PCDHGA7: variants seen among roughly 807,000 people sequenced by gnomAD.
The protein encoded by PCDHGA7 is protocadherin gamma-A7.
A neutral mutation model predicts 58.3 loss-of-function variants in PCDHGA7; 44 were observed. The ratio of observed to expected loss-of-function variants is 0.75; its 90% CI spans 0.59 to 0.97. PCDHGA7 has a LOEUF of 0.97. Ranked by LOEUF, PCDHGA7 falls within the 50% of genes least tolerant of loss-of-function variation. The pLI, the probability that PCDHGA7 is intolerant of heterozygous loss-of-function variation, is 0.00. For missense variants in PCDHGA7, 1,266 were observed against 1,188.7 expected, an observed-to-expected ratio of 1.06 and a Z score of -0.96; for synonymous variants, 516 against 504.2, an observed-to-expected ratio of 1.02 and a Z score of -0.31.
At chr5:141,461,328 A>G (rs2154567322) in intron 1 of PCDHGA7, among the ~76,000 whole-genome samples, 1 of 152,282 alleles carries the variant, frequency 6.6e-6, no homozygotes, top group East Asian at 1.9e-4. Flanking sequence ...AATAATGGCC[A>G]TTCTTGCAGG....
At position 141,491,070 on chromosome 5, in the gene PCDHGA7, G is replaced by T. The variant is rs1405880268; in HGVS notation, c.2425-3737G>T. On this transcript the variant is annotated intron_variant, in intron 1 of 3. Transcript: ENST00000518325. The surrounding 1 kb of genome is among the most constrained non-coding windows in gnomAD (Gnocchi z 6.9). ...ATGCGTGGCTCTCCTACTCACTGTTGCCACAGTCCACAGCCCCAGGACTGT... is the reference window on the plus strand; with the variant it reads ...ATGCGTGGCTCTCCTACTCACTGTTTCCACAGTCCACAGCCCCAGGACTGT... 6.2e-7 allele frequency: 1 copy of T among 1,614,162 alleles called. No homozygotes were observed. Among genetic ancestry groups the T allele is most frequent in the Non-Finnish European group, 8.5e-7 (1 of 1,180,038 alleles).
At chr5:141,481,035 G>C (rs1342607604) in intron 1 of PCDHGA7, among the ~76,000 whole-genome samples, 1 of 152,094 alleles carries the variant, frequency 6.6e-6, no homozygotes, top group Non-Finnish European at 1.5e-5. Flanking sequence ...TCCAGCCTGG[G>C]CGACAGAGCG....
At chr5:141,482,862 A>G (rs1169526338) in intron 1 of PCDHGA7, among the ~76,000 whole-genome samples, 1 of 152,180 alleles carries the variant, frequency 6.6e-6, no homozygotes, top group Non-Finnish European at 1.5e-5. Context: ...ACTTGAGGTC[A>G]GGAGTTTGAA....
rs569220332 is a variant in PCDHGA7, at chr5:141,475,688, A to G, written c.2425-19119A>G. 2.0e-5 allele frequency among the ~76,000 whole-genome samples: 3 copies of G among 152,330 alleles called. No homozygotes were observed. In the South Asian group the frequency reaches 6.2e-4, roughly 32 times the overall value. On this transcript the variant is annotated intron_variant, in intron 1 of 3. Coordinates refer to ENST00000518325, the MANE Select transcript of PCDHGA7 (RefSeq NM_018920.4). ...TTTAATGAGTCTTGATTTGGATTGG[A>G]GACTTGCAGAACGGCTAGCCTCACA...
intron 1 of PCDHGA7, among the ~76,000 whole-genome samples, chr5:141,386,466 A>G (rs1317226366): frequency 3.9e-5 from 6 of 152,122 alleles, no homozygotes; most frequent in Non-Finnish European, 8.8e-5. Context: ...GCTTGAACCC[A>G]AGAATTGGAG....
chr5:141,485,607 C>T lies in PCDHGA7; in HGVS notation c.2425-9200C>T. On this transcript the variant is annotated intron_variant, in intron 1 of 3. Coordinates refer to ENST00000518325, the MANE Select transcript of PCDHGA7 (RefSeq NM_018920.4). The surrounding 1 kb of genome is among the most constrained non-coding windows in gnomAD (Gnocchi z 5.7). ...CAGCTGGACTTGGAAATTGGGGAGG[C>T]AGCTCCTCCAGGACAGCGTTTCCCG... is the stretch of plus-strand genomic sequence containing the variant. 1 of 1,612,008 alleles carries T rather than the reference C, an allele frequency of 6.2e-7. No individual in the cohort carries two copies. The highest frequency in any genetic ancestry group is 8.5e-7 in the Non-Finnish European group (1 of 1,178,534).
chr5:141,479,710 T>C (rs901198074), intron 1 of PCDHGA7: 1 of 152,264 alleles, frequency 6.6e-6, no homozygotes, highest in African/African-American at 2.4e-5. Flanking sequence ...GTCCCTGTCC[T>C]TCCAGCCTTA....
At chr5:141,385,514 G>C (rs928847931) in intron 1 of PCDHGA7, 191 bp downstream of exon 1, 3 of 1,363,488 alleles carry the variant, frequency 2.2e-6, no homozygotes, top group Non-Finnish European at 2.8e-6. Context: ...TTTAGTGAAA[G>C]CCTATGGACA....
rs781586915 is a variant in PCDHGA7, at chr5:141,389,444, C to G, written c.2424+4121C>G. 7.0e-5 allele frequency: 112 copies of G among 1,610,446 alleles called. No homozygotes were observed. Among genetic ancestry groups the G allele is most frequent in the Middle Eastern group, 1.7e-4 (1 of 5,992 alleles). On this transcript the variant is annotated intron_variant, in intron 1 of 3. Transcript: ENST00000518325. Reference sequence around the variant, plus strand: ...TGTTCGCGCAGCGCGCCTTCGACCACGAGCAGCTGCGCGCCTTCGAACTCA... The same window carrying G: ...TGTTCGCGCAGCGCGCCTTCGACCAGGAGCAGCTGCGCGCCTTCGAACTCA...
At chr5:141,414,043 G>A in intron 1 of PCDHGA7, 1 of 1,611,348 alleles carries the variant, frequency 6.2e-7, no homozygotes, top group Non-Finnish European at 8.5e-7. Context: ...AAAATTACCT[G>A]ACACGCAATT....
intron 1 of PCDHGA7, among the ~76,000 whole-genome samples, chr5:141,480,299 C>T: frequency 7.5e-6 from 1 of 132,466 alleles, no homozygotes; most frequent in Non-Finnish European, 1.6e-5. Flanking sequence ...CCTGTGGTAC[C>T]AGCTACTTGG....
chr5:141,389,538 G>A (rs772693461), intron 1 of PCDHGA7: 1 of 1,613,186 alleles, frequency 6.2e-7, no homozygotes, highest in Admixed American at 1.7e-5. Context: ...GTTAGTGGAC[G>A]ACCGCAACGA....
chr5:141,415,740 G>GTTTTTTTTTT lies in PCDHGA7; in HGVS notation c.2424+30440_2424+30449dup, dbSNP rs57426385. 90 of 625,044 alleles carry GTTTTTTTTTT rather than the reference G, an allele frequency of 1.4e-4. 1 individual carries two copies. The highest frequency in any genetic ancestry group is 4.1e-4 in the East Asian group (6 of 14,742). The allele number at this position is 625,044 out of a possible 1,614,324, so 38.7% of individuals were successfully genotyped here. On this transcript the variant is annotated intron_variant, in intron 1 of 3. Coordinates refer to ENST00000518325, the MANE Select transcript of PCDHGA7 (RefSeq NM_018920.4). ...TGAGTAGAATTTGATGTTTATTAAG[G>GTTTTTTTTTT]TTTTTTTTTTTTTTTTTTTTTTTTT...
rs1344998245 is a variant in PCDHGA7 at position 141,400,678 on chromosome 5, T to C, written c.2424+15355T>C. 7.9e-6 allele frequency: 7 copies of C among 881,884 alleles called. No homozygotes were observed. The East Asian group carries it at 1.5e-4, about 19-fold the overall frequency. The allele number at this position is 881,884 out of a possible 1,614,324, so 54.6% of individuals were successfully genotyped here. On this transcript the variant is annotated intron_variant, in intron 1 of 3. Coordinates refer to ENST00000518325, the MANE Select transcript of PCDHGA7 (RefSeq NM_018920.4). ...ACCATTCTTTAAGAGGAGCAGTAAA[T>C]TGTGAGTTTTTATGTCGCATAAAAG...
At chr5:141,396,821 G>A (rs934244827) in intron 1 of PCDHGA7, among the ~76,000 whole-genome samples, 5 of 152,314 alleles carry the variant, frequency 3.3e-5, no homozygotes, top group Middle Eastern at 3.4e-3. Context: ...ACTGTATGGT[G>A]CATATTCAGT....
In PCDHGA7 at chr5:141,450,141, G is replaced by A. The variant is rs762961199; in HGVS notation, c.2425-44666G>A. On this transcript the variant is annotated intron_variant, in intron 1 of 3. Transcript: ENST00000518325. ...CCTGCCTTAGCCTCCTGAGTAGCTG[G>A]GACTACAGGCATGTGCCACCACACT... Among the ~76,000 whole-genome samples, 401 of 151,622 alleles carry A rather than the reference G, an allele frequency of 2.6e-3. 1 individual carries two copies. The highest frequency in any genetic ancestry group is 3.8e-3 in the Non-Finnish European group (260 of 67,912).
chr5:141,436,087 T>C (rs927404291), intron 1 of PCDHGA7, among the ~76,000 whole-genome samples: 1 of 152,198 alleles, frequency 6.6e-6, no homozygotes, highest in Non-Finnish European at 1.5e-5. Flanking sequence ...CTATAGGTAA[T>C]ATTGAGAGAA....
rs1161697588 is a variant in PCDHGA7, at chr5:141,491,464, T to C, written c.2425-3343T>C. 7 of 1,613,982 alleles carry C rather than the reference T, an allele frequency of 4.3e-6. No homozygotes were observed. In the African/African-American group the frequency reaches 9.3e-5, roughly 22 times the overall value. On this transcript the variant is annotated intron_variant, in intron 1 of 3. Transcript: ENST00000518325. This position sits in a 1 kb window ranked among gnomAD's most constrained non-coding sequence, Gnocchi z 6.9. ...CCAGGACTCACCCTCCCCGGACTTCTATAAGCAGTCCAGCCCCAACCTGCA... is the reference window on the plus strand; with the variant it reads ...CCAGGACTCACCCTCCCCGGACTTCCATAAGCAGTCCAGCCCCAACCTGCA...
chr5:141,417,791 C>G, intron 1 of PCDHGA7: 1 of 1,482,658 alleles, frequency 6.7e-7, no homozygotes, highest in Non-Finnish European at 9.0e-7. Context: ...GCCGAATGCT[C>G]TTTTAGCGCG....
Sources: allele counts gnomAD v4.1 joint callset (sites outside exome capture counted in the v4.1 genomes callset), GRCh38; gene constraint gnomAD v4.1.1; non-coding constraint Gnocchi (gnomAD v3.1); transcripts MANE v1.5; gene names NCBI Gene and HGNC (gene_info 2026-07-23, HGNC 2026-07-21).